Variants in CSMD1 observed in about 807,000 individuals in gnomAD.
CSMD1 encodes CUB and Sushi multiple domains 1.
CSMD1 carries 213 observed loss-of-function variants against 417.5 expected under a neutral mutation model. That is an observed-to-expected ratio of 0.51 (90% CI 0.46 to 0.57). The LOEUF (loss-of-function observed/expected upper bound fraction) is 0.57. Among genes scored for constraint, CSMD1 ranks in the 20% least tolerant of loss-of-function variants. CSMD1 has a pLI of 0.00. For synonymous variants in CSMD1, 2,862 were observed against 1,736.8 expected (o/e 1.65, Z -16.11); for missense variants, 6,923 against 4,529.7 (o/e 1.53, Z -15.17).
At chr8:3,175,479 T>C (rs963674488) in intron 37 of CSMD1, among the ~76,000 whole-genome samples, 1 of 27,686 alleles carries the variant, frequency 3.6e-5, no homozygotes, top group African/African-American at 9.1e-5. Flanking sequence ...TCTTTTCCCT[T>C]CCTTCCTGCC....
chr8:3,409,348 G>C, intron 13 of CSMD1, 75 bp downstream of exon 13: 2 of 1,359,350 alleles, frequency 1.5e-6, no homozygotes, highest in South Asian at 1.9e-5. Flanking sequence ...TGGGCGGTCT[G>C]TGTCTTTCTC....
rs1420624752 is a variant in CSMD1 at position 3,387,420 on chromosome 8, C to G, written c.2782+74G>C. 1.2e-5 allele frequency: 16 copies of G among 1,297,464 alleles called. No individual in the cohort carries two copies. The Admixed American group carries it at 1.6e-4, about 13-fold the overall frequency. The allele number at this position is 1,297,464 out of a possible 1,614,324, so 80.4% of individuals were successfully genotyped here. On this transcript the variant is annotated intron_variant, in intron 18 of 69. Coordinates refer to ENST00000635120, the MANE Select transcript of CSMD1 (RefSeq NM_033225.6). ...GGTACCACCCCCTGAAATACACACA[C>G]CACCCAGCTAGTTAGACGTGTGCGC... is the stretch of plus-strand genomic sequence containing the variant.
intron 3 of CSMD1, among the ~76,000 whole-genome samples, chr8:4,149,359 T>C (rs1796447471): frequency 6.6e-6 from 1 of 152,176 alleles, no homozygotes; most frequent in Non-Finnish European, 1.5e-5. Context: ...TCTAAAAAGA[T>C]ACACTTTGGT....
intron 15 of CSMD1, 60 bp downstream of exon 15, chr8:3,405,967 G>C: frequency 6.6e-7 from 1 of 1,514,064 alleles, no homozygotes; most frequent in Non-Finnish European, 9.0e-7. Context: ...GTTTGTGTGT[G>C]TGCCTGAAGA....
chr8:4,193,979 T>A (rs1208323341), intron 3 of CSMD1, among the ~76,000 whole-genome samples: 1 of 152,082 alleles, frequency 6.6e-6, no homozygotes, highest in East Asian at 1.9e-4. Flanking sequence ...TAAGTAAATG[T>A]TCTATGATTA....
chr8:3,297,312 A>C (rs913236515), intron 25 of CSMD1, among the ~76,000 whole-genome samples: 9 of 152,304 alleles, frequency 5.9e-5, no homozygotes, highest in African/African-American at 2.2e-4. Flanking sequence ...TTTTGTAAAA[A>C]ATTAAGAGTG....
At chr8:4,086,640 C>G (rs540995752) in intron 3 of CSMD1, among the ~76,000 whole-genome samples, 2 of 152,174 alleles carry the variant, frequency 1.3e-5, no homozygotes, top group Non-Finnish European at 1.5e-5. Context: ...TCTTAATGCA[C>G]CAAGCGATTT....
At chr8:4,653,779 T>C (rs1028782743) in intron 1 of CSMD1, among the ~76,000 whole-genome samples, 1 of 152,162 alleles carries the variant, frequency 6.6e-6, no homozygotes, top group Non-Finnish European at 1.5e-5. Context: ...GTAGTAGATA[T>C]TATTTTGAAT....
chr8:3,933,012 G>A (rs1384485761), intron 5 of CSMD1, among the ~76,000 whole-genome samples: 1 of 128,010 alleles, frequency 7.8e-6, no homozygotes, highest in African/African-American at 3.0e-5. Context: ...TAACATTATA[G>A]AACAAGTGAA....
chr8:4,297,219 G>C (rs1412093763), intron 3 of CSMD1, among the ~76,000 whole-genome samples: 1 of 151,808 alleles, frequency 6.6e-6, no homozygotes, highest in Non-Finnish European at 1.5e-5. Flanking sequence ...GGAGAAACTG[G>C]GGACCAAACA....
chr8:4,978,461 G>A (rs974601187), intron 1 of CSMD1, among the ~76,000 whole-genome samples: 2 of 152,188 alleles, frequency 1.3e-5, no homozygotes, highest in African/African-American at 4.8e-5. Flanking sequence ...TGTTAAAGAT[G>A]TTAATAAACC....
At chr8:4,804,100 A>C (rs909867595) in intron 1 of CSMD1, among the ~76,000 whole-genome samples, 7 of 152,218 alleles carry the variant, frequency 4.6e-5, no homozygotes, top group African/African-American at 1.7e-4. Flanking sequence ...TCAACCATTA[A>C]AATTATTTCC....
chr8:3,564,517 T>TTGTGTGTGTGTGTGTGTG (rs34665230), intron 10 of CSMD1, among the ~76,000 whole-genome samples: 2,233 of 145,452 alleles, frequency 0.015, 18 homozygotes, highest in South Asian at 0.028. Context: ...CACAGTATAT[T>TTGTGTGTGTGTGTGTGTG]TGTGTGTGTG....
intron 3 of CSMD1, among the ~76,000 whole-genome samples, chr8:4,168,967 T>C (rs1438155058): frequency 6.6e-6 from 1 of 152,158 alleles, no homozygotes; most frequent in East Asian, 1.9e-4. Context: ...TCTGCTATCC[T>C]CAGGCCGTTC....
chr8:4,342,382 T>A (rs1165941490), intron 3 of CSMD1, among the ~76,000 whole-genome samples: 1 of 152,126 alleles, frequency 6.6e-6, no homozygotes, highest in African/African-American at 2.4e-5. Flanking sequence ...CACATATGTT[T>A]ATTATAGTAT....
intron 5 of CSMD1, among the ~76,000 whole-genome samples, chr8:3,757,534 G>C (rs1176373988): frequency 6.6e-6 from 1 of 152,174 alleles, no homozygotes; most frequent in African/African-American, 2.4e-5. Flanking sequence ...GCAGGTACTA[G>C]TTTGCTGACC....
chr8:3,243,663 G>A (rs1039209112), intron 26 of CSMD1, among the ~76,000 whole-genome samples: 1 of 152,052 alleles, frequency 6.6e-6, no homozygotes, highest in Non-Finnish European at 1.5e-5. Flanking sequence ...ATGTGTACAT[G>A]CAGGTCACAG....
At position 4,590,784 on chromosome 8, in the gene CSMD1, G is replaced by A. The variant is rs552228579; in HGVS notation, c.302+46558C>T. Among the ~76,000 whole-genome samples, 204 of 152,128 alleles carry A rather than the reference G, an allele frequency of 1.3e-3. 1 individual carries two copies. Among genetic ancestry groups the A allele is most frequent in the African/African-American group, 4.8e-3 (201 of 41,510 alleles). On this transcript the variant is annotated intron_variant, in intron 2 of 69. Transcript: ENST00000635120. ...TGAGGACACTAGTAACTAAGATTTT[G>A]GAAATTTTTTTCCTAAAATAATTTT...
At chr8:4,942,075 C>A (rs1808041305) in intron 1 of CSMD1, among the ~76,000 whole-genome samples, 1 of 152,192 alleles carries the variant, frequency 6.6e-6, no homozygotes, top group Non-Finnish European at 1.5e-5. Context: ...AATCTCTCTT[C>A]ACTTCCTATT....
Sources: allele counts gnomAD v4.1 joint callset (sites outside exome capture counted in the v4.1 genomes callset), GRCh38; gene constraint gnomAD v4.1.1; transcripts MANE v1.5; gene names NCBI Gene and HGNC (gene_info 2026-07-23, HGNC 2026-07-21).